HOXD12: variants seen among roughly 807,000 people sequenced by gnomAD.
HOXD12 encodes homeobox protein Hox-D12.
A neutral mutation model predicts 20.2 loss-of-function variants in HOXD12; 21 were observed. The observed-to-expected ratio is 1.04, with a 90% confidence interval of 0.74 to 1.50. The LOEUF (loss-of-function observed/expected upper bound fraction) is 1.50, where lower values mean the gene tolerates loss of function less well. HOXD12 is among the 40% of genes most tolerant of loss of function. The probability of loss-of-function intolerance (pLI) is 0.00; values close to 1 mark genes in which losing one functional copy is unlikely to be tolerated. For synonymous variants in HOXD12, 196 were observed against 168.8 expected (o/e 1.16, Z -1.25); for missense variants, 472 against 365.5 (o/e 1.29, Z -2.38).
At position 176,100,815 on chromosome 2, in the gene HOXD12, T is replaced by G; in HGVS notation, c.*55T>G. ...CTGCCCTTTTGGACAGAGGCCTTGT[T>G]TGGGGAGGGGGATCTGGGGCTAAGG... On this transcript the variant is annotated 3_prime_UTR_variant, in exon 2 of 2. Coordinates refer to ENST00000406506, the MANE Select transcript of HOXD12 (RefSeq NM_021193.4). 1 of 1,206,326 alleles carries G rather than the reference T, an allele frequency of 8.3e-7. No homozygotes were observed. Among genetic ancestry groups the G allele is most frequent in the South Asian group, 1.3e-5 (1 of 78,892 alleles). 74.7% of individuals were successfully genotyped at this position (1,206,326 alleles called of 1,614,324 possible).
chr2:176,099,795 G>A lies in HOXD12; in HGVS notation c.-7G>A, dbSNP rs375755743. 1.4e-6 allele frequency: 2 copies of A among 1,452,906 alleles called. No individual in the cohort carries two copies. Among genetic ancestry groups the A allele is most frequent in the Non-Finnish European group, 9.1e-7 (1 of 1,101,288 alleles). The allele number at this position is 1,452,906 out of a possible 1,614,324, so 90.0% of individuals were successfully genotyped here. On this transcript the variant is annotated 5_prime_UTR_variant, in exon 1 of 2. Transcript: ENST00000406506. ...GTTGCGAGCGCAGCCGAAGCCCTTT[G>A]TTGGAGATGTGTGAGCGCAGTCTCT...
chr2:176,101,246 GC>G lies in HOXD12; in HGVS notation c.*488del. On this transcript the variant is annotated 3_prime_UTR_variant, in exon 2 of 2. Coordinates refer to ENST00000406506, the MANE Select transcript of HOXD12 (RefSeq NM_021193.4). ...TGCAGCAGAAGCCCTTTGTGGCAAG[GC>G]CAGGATCTTCACTCTGGAGAAAGGA... 6.2e-6 allele frequency: 1 copy of G among 161,978 alleles called. No homozygotes were observed. Among genetic ancestry groups the G allele is most frequent in the Non-Finnish European group, 1.3e-5 (1 of 74,110 alleles). 10.0% of individuals were successfully genotyped at this position (161,978 alleles called of 1,614,324 possible).
At position 176,100,523 on chromosome 2, in the gene HOXD12, C is replaced by G; in HGVS notation, c.576C>G (p.Gly192=). ...ACGTGGGTTGGGGCTGTGTTGCAGG[C>G]CTGCCGTGGGGGGCGGCCCCGGGGA... ...ASCLRPSLPD[G]LPWGAAPGRA... Residue 192 remains glycine, a splice_region_variant and synonymous_variant, in exon 2 of 2, where the codon GGC becomes GGG. Transcript: ENST00000406506. 1 of 1,600,406 alleles carries G rather than the reference C, an allele frequency of 6.2e-7. No individual in the cohort carries two copies. Among genetic ancestry groups the G allele is most frequent in the East Asian group, 2.3e-5 (1 of 44,312 alleles).
At position 176,099,967 on chromosome 2, in the gene HOXD12, G is replaced by C; in HGVS notation, c.166G>C (p.Ala56Pro). The change falls in exon 1 of 2, where the codon GCC (alanine) becomes CCC (proline). Residue 56 changes from alanine (A) to proline (P), a missense_variant. Transcript: ENST00000406506. ...CGCGCTGCCCTGGGCCGCCACGCCC[G>C]CCTCCTGCGCCCCCGCGCAGCCTGC... is the stretch of plus-strand genomic sequence containing the variant. ...RGALPWAATP[A>P]SCAPAQPAGA... 1 of 1,596,426 alleles carries C rather than the reference G, an allele frequency of 6.3e-7. No individual in the cohort carries two copies. Among genetic ancestry groups the C allele is most frequent in the Non-Finnish European group, 8.5e-7 (1 of 1,173,396 alleles).
rs987479726 is a variant in HOXD12, at chr2:176,101,608, C to T, written c.*848C>T. On this transcript the variant is annotated 3_prime_UTR_variant, in exon 2 of 2. Transcript: ENST00000406506. ...CCTATGAACCCTGTAACTGGATCCC[C>T]AGAGGCTAGCTCTGGTGAAAGGAGC... 6.6e-6 allele frequency among the ~76,000 whole-genome samples: 1 copy of T among 152,156 alleles called. No homozygotes were observed. Among genetic ancestry groups the T allele is most frequent in the Non-Finnish European group, 1.5e-5 (1 of 68,026 alleles).
In HOXD12 at chr2:176,101,369, G is replaced by T. The variant is rs1465350565; in HGVS notation, c.*609G>T. Among the ~76,000 whole-genome samples, 1 of 152,068 alleles carries T rather than the reference G, an allele frequency of 6.6e-6. No individual in the cohort carries two copies. Among genetic ancestry groups the T allele is most frequent in the East Asian group, 1.9e-4 (1 of 5,190 alleles). ...TTCAGACTTTGGGAGGAAAAGGGAG[G>T]GAAGGGGAGGGGCTGGGTAGTGGGG... is the stretch of plus-strand genomic sequence containing the variant. On this transcript the variant is annotated 3_prime_UTR_variant, in exon 2 of 2. Coordinates refer to ENST00000406506, the MANE Select transcript of HOXD12 (RefSeq NM_021193.4).
At position 176,100,051 on chromosome 2, in the gene HOXD12, G is replaced by T. The variant is rs767333315; in HGVS notation, c.250G>T (p.Gly84Cys). 38 of 1,583,200 alleles carry T rather than the reference G, an allele frequency of 2.4e-5. No individual in the cohort carries two copies. In the African/African-American group the frequency reaches 3.9e-4, roughly 16 times the overall value. Residue 84 changes from glycine to cysteine, a missense_variant, in exon 1 of 2, where the codon GGC becomes TGC. Coordinates refer to ENST00000406506, the MANE Select transcript of HOXD12 (RefSeq NM_021193.4). ...QPYLAGSGPL[G>C]LQPPTAKDGP... ...CTACCTGGCTGGCTCCGGGCCTCTC[G>T]GCCTGCAGCCCCCAACAGCCAAAGA...
At position 176,100,607 on chromosome 2, in the gene HOXD12, A is replaced by G; in HGVS notation, c.660A>G (p.Glu220=). ...AGCAGATTGCGGAGTTGGAGAACGAATTCCTCGTCAACGAATTCATCAACA... is the reference window on the plus strand; with the variant it reads ...AGCAGATTGCGGAGTTGGAGAACGAGTTCCTCGTCAACGAATTCATCAACA... ...TKQQIAELEN[E]FLVNEFINRQ... is the part of the protein sequence containing the mutation. The change falls in exon 2 of 2, where the codon GAA becomes GAG. Residue 220 remains glutamate, a synonymous_variant. Transcript: ENST00000406506. The G allele has an allele frequency of 6.2e-7, 1 of 1,613,378 alleles. No homozygotes were observed. Among genetic ancestry groups the G allele is most frequent in the Non-Finnish European group, 8.5e-7 (1 of 1,179,622 alleles).
chr2:176,099,997 G>C lies in HOXD12; in HGVS notation c.196G>C (p.Ala66Pro). The change falls in exon 1 of 2, where the codon GCC (alanine) becomes CCC (proline). Residue 66 changes from alanine to proline, a missense_variant. Ala to Pro is a conservative substitution (Grantham distance 27). Coordinates refer to ENST00000406506, the MANE Select transcript of HOXD12 (RefSeq NM_021193.4). ...CTGCGCCCCCGCGCAGCCTGCGGGC[G>C]CCACTGCCTTCGGCGGCTTCTCGCA... ...ASCAPAQPAG[A>P]TAFGGFSQPY... The C allele has an allele frequency of 6.4e-7, 1 of 1,562,418 alleles. No homozygotes were observed. Among genetic ancestry groups the C allele is most frequent in the African/African-American group, 1.4e-5 (1 of 73,874 alleles).
chr2:176,100,061 C>G lies in HOXD12; in HGVS notation c.260C>G (p.Pro87Arg), dbSNP rs1389251242. ...GGCTCCGGGCCTCTCGGCCTGCAGCCCCCAACAGCCAAAGACGGACCCGAA... is the reference window on the plus strand; with the variant it reads ...GGCTCCGGGCCTCTCGGCCTGCAGCGCCCAACAGCCAAAGACGGACCCGAA... ...LAGSGPLGLQ[P>R]PTAKDGPEEQ... Residue 87 changes from proline (P) to arginine (R), a missense_variant, in exon 1 of 2, where the codon CCC becomes CGC. Pro to Arg is a moderately radical substitution (Grantham distance 103). Transcript: ENST00000406506. The G allele has an allele frequency of 6.3e-7, 1 of 1,590,050 alleles. No individual in the cohort carries two copies. The highest frequency in any genetic ancestry group is 8.6e-7 in the Non-Finnish European group (1 of 1,169,556).
rs763537852 is a variant in HOXD12, at chr2:176,100,055, T to G, written c.254T>G (p.Leu85Arg). 1 of 1,586,140 alleles carries G rather than the reference T, an allele frequency of 6.3e-7. No individual in the cohort carries two copies. Among genetic ancestry groups the G allele is most frequent in the Non-Finnish European group, 8.6e-7 (1 of 1,167,368 alleles). ...PYLAGSGPLGLQPPTAKDGPE... is the reference protein window; with the variant it reads ...PYLAGSGPLGRQPPTAKDGPE... ...CTGGCTGGCTCCGGGCCTCTCGGCC[T>G]GCAGCCCCCAACAGCCAAAGACGGA... is the stretch of plus-strand genomic sequence containing the variant. The change falls in exon 1 of 2, where the codon CTG becomes CGG. Residue 85 changes from leucine (L) to arginine (R), a missense_variant. By Grantham distance (102) the Leu-to-Arg change is moderately radical. Coordinates refer to ENST00000406506, the MANE Select transcript of HOXD12 (RefSeq NM_021193.4).
In HOXD12 at chr2:176,100,537, C is replaced by A. The variant is rs1233810199; in HGVS notation, c.590C>A (p.Ala197Glu). The A allele has an allele frequency of 6.2e-7, 1 of 1,605,238 alleles. No homozygotes were observed. Among genetic ancestry groups the A allele is most frequent in the Non-Finnish European group, 8.5e-7 (1 of 1,175,764 alleles). Residue 197 changes from alanine to glutamate, a missense_variant, in exon 2 of 2, where the codon GCG becomes GAG. By Grantham distance (107) the Ala-to-Glu change is moderately radical. Coordinates refer to ENST00000406506, the MANE Select transcript of HOXD12 (RefSeq NM_021193.4). ...PSLPDGLPWG[A>E]APGRARKKRK... ...TGTGTTGCAGGCCTGCCGTGGGGGG[C>A]GGCCCCGGGGAGGGCCCGCAAGAAG...
chr2:176,100,536 G>A lies in HOXD12; in HGVS notation c.589G>A (p.Ala197Thr). The change falls in exon 2 of 2, where the codon GCG (alanine) becomes ACG (threonine). Residue 197 changes from alanine to threonine, a missense_variant. By Grantham distance (58) the Ala-to-Thr change is moderately conservative. Transcript: ENST00000406506. ...CTGTGTTGCAGGCCTGCCGTGGGGG[G>A]CGGCCCCGGGGAGGGCCCGCAAGAA... ...PSLPDGLPWGAAPGRARKKRK... is the reference protein window; with the variant it reads ...PSLPDGLPWGTAPGRARKKRK... 3 of 1,605,526 alleles carry A rather than the reference G, an allele frequency of 1.9e-6. No individual in the cohort carries two copies. The highest frequency in any genetic ancestry group is 2.6e-6 in the Non-Finnish European group (3 of 1,176,006).
Position 176,102,211 on chromosome 2 carries a change from A to T in HOXD12, c.*1451A>T, listed in dbSNP as rs1689508649. 6.6e-6 allele frequency among the ~76,000 whole-genome samples: 1 copy of T among 152,138 alleles called. No homozygotes were observed. The highest frequency in any genetic ancestry group is 6.5e-5 in the Admixed American group (1 of 15,280). The stretch of plus-strand genomic sequence containing the variant: ...CTCCTCCTTCGCAATTCCTAGCATG[A>T]TGCACAACAACTCAAGGATTCAGGA... On this transcript the variant is annotated 3_prime_UTR_variant, in exon 2 of 2. Coordinates refer to ENST00000406506, the MANE Select transcript of HOXD12 (RefSeq NM_021193.4).
In HOXD12 at chr2:176,100,661, G is replaced by C; in HGVS notation, c.714G>C (p.Arg238Ser). The change falls in exon 2 of 2, where the codon AGG becomes AGC. Residue 238 changes from arginine to serine, a missense_variant. Transcript: ENST00000406506. ...NRQKRKELSN[R>S]LNLSDQQVKI... Reference sequence around the variant, plus strand: ...AGAAACGCAAGGAATTGTCCAATAGGCTGAACCTCAGCGACCAGCAAGTCA... The same window carrying C: ...AGAAACGCAAGGAATTGTCCAATAGCCTGAACCTCAGCGACCAGCAAGTCA... The C allele has an allele frequency of 6.2e-7, 1 of 1,613,960 alleles. No individual in the cohort carries two copies. Among genetic ancestry groups the C allele is most frequent in the South Asian group, 1.1e-5 (1 of 91,062 alleles).
Position 176,100,138 on chromosome 2 carries a change from G to C in HOXD12, c.337G>C (p.Gly113Arg), listed in dbSNP as rs1320509423. ...PEAAAGPEER[G>R]RTRPSFAPES... Reference sequence around the variant, plus strand: ...AGCGGCCGCTGGGCCAGAGGAGCGCGGTCGTACCCGGCCGTCCTTCGCCCC... The same window carrying C: ...AGCGGCCGCTGGGCCAGAGGAGCGCCGTCGTACCCGGCCGTCCTTCGCCCC... The change falls in exon 1 of 2, where the codon GGT (glycine) becomes CGT (arginine). Residue 113 changes from glycine to arginine, a missense_variant. By Grantham distance (125) the Gly-to-Arg change is moderately radical (BLOSUM62 -2). Transcript: ENST00000406506. 3 of 1,610,890 alleles carry C rather than the reference G, an allele frequency of 1.9e-6. No homozygotes were observed. Among genetic ancestry groups the C allele is most frequent in the East Asian group, 4.5e-5 (2 of 44,858 alleles).
Position 176,100,262 on chromosome 2 carries a change from A to T in HOXD12, c.461A>T (p.Gln154Leu). ...ACGCCGGGCTCCACGACCCTGCTCC[A>T]GGGGGCTCCCTGCGCCCCTGGCTTC... ...RATPGSTTLL[Q>L]GAPCAPGFKD... The change falls in exon 1 of 2, where the codon CAG becomes CTG. Residue 154 changes from glutamine to leucine, a missense_variant. By Grantham distance (113) the Gln-to-Leu change is moderately radical. Coordinates refer to ENST00000406506, the MANE Select transcript of HOXD12 (RefSeq NM_021193.4). The T allele has an allele frequency of 6.2e-7, 1 of 1,612,474 alleles. No homozygotes were observed. The highest frequency in any genetic ancestry group is 8.5e-7 in the Non-Finnish European group (1 of 1,179,814).
rs1157058347 is a variant in HOXD12, at chr2:176,099,985, C to G, written c.184C>G (p.Gln62Glu). Residue 62 changes from glutamine (Q) to glutamate (E), a missense_variant, in exon 1 of 2, where the codon CAG becomes GAG. By Grantham distance (29) the Gln-to-Glu change is conservative. Transcript: ENST00000406506. Reference protein sequence around the residue: ...AATPASCAPAQPAGATAFGGF... With the variant: ...AATPASCAPAEPAGATAFGGF... ...CACGCCCGCCTCCTGCGCCCCCGCG[C>G]AGCCTGCGGGCGCCACTGCCTTCGG... 2 of 1,573,506 alleles carry G rather than the reference C, an allele frequency of 1.3e-6. No homozygotes were observed. The highest frequency in any genetic ancestry group is 1.7e-6 in the Non-Finnish European group (2 of 1,159,364).
Position 176,100,530 on chromosome 2 carries a change from T to G in HOXD12, c.583T>G (p.Trp195Gly), listed in dbSNP as rs556070596. Reference protein sequence around the residue: ...LRPSLPDGLPWGAAPGRARKK... With the variant: ...LRPSLPDGLPGGAAPGRARKK... ...TTGGGGCTGTGTTGCAGGCCTGCCG[T>G]GGGGGGCGGCCCCGGGGAGGGCCCG... Residue 195 changes from tryptophan to glycine, a missense_variant, in exon 2 of 2, where the codon TGG becomes GGG. Transcript: ENST00000406506. 19 of 1,603,668 alleles carry G rather than the reference T, an allele frequency of 1.2e-5. No individual in the cohort carries two copies. Among genetic ancestry groups the G allele is most frequent in the Middle Eastern group, 3.3e-4 (2 of 6,050 alleles).
Sources: gnomAD v4.1 joint callset for allele counts (sites outside exome capture counted in the v4.1 genomes callset) on GRCh38, gnomAD v4.1.1 for gene constraint, MANE v1.5 for transcripts, NCBI Gene and HGNC (gene_info 2026-07-23, HGNC 2026-07-21) for gene names.